The following NKAIN2 variants were observed in gnomAD, a reference collection of about 807,000 sequenced individuals.
The protein encoded by NKAIN2 is sodium/potassium transporting ATPase interacting 2, also known as sodium/potassium-transporting ATPase subunit beta-1-interacting protein 2.
Under a neutral mutation model 32.6 loss-of-function variants are expected in NKAIN2, and 14 were observed. The observed-to-expected ratio is 0.43, with a 90% CI of 0.28 to 0.67. NKAIN2 has a LOEUF of 0.67. NKAIN2 is among the 30% of genes least tolerant of loss of function. NKAIN2 has a pLI of 0.17. For synonymous variants in NKAIN2, 80 were observed against 87.2 expected (o/e 0.92, Z 0.46); for missense variants, 198 against 258.3 (o/e 0.77, Z 1.60).
chr6:124,799,169 G>T (rs140992703), intron 5 of NKAIN2, among the ~76,000 whole-genome samples: 1 of 152,114 alleles, frequency 6.6e-6, no homozygotes, highest in Non-Finnish European at 1.5e-5. Flanking sequence ...TGCTACATGC[G>T]AATTTTCCTC....
rs933329131 is a variant in NKAIN2, at chr6:124,764,338, A to G, written c.475-27001A>G. Among the ~76,000 whole-genome samples, 4 of 152,170 alleles carry G rather than the reference A, an allele frequency of 2.6e-5. No homozygotes were observed. The South Asian group carries it at 6.2e-4, about 24-fold the overall frequency. ...AAAATTATGGGGGTTATCAAACCTG[A>G]TGACAGATCTCATTATTTATTGGTA... On this transcript the variant is annotated intron_variant, in intron 4 of 6. Transcript: ENST00000368417.
intron 1 of NKAIN2, among the ~76,000 whole-genome samples, chr6:124,182,201 C>T (rs1162146596): frequency 6.6e-6 from 1 of 152,068 alleles, no homozygotes; most frequent in Non-Finnish European, 1.5e-5. Context: ...ATCATGAGAA[C>T]AGCATGAGAA....
intron 1 of NKAIN2, among the ~76,000 whole-genome samples, chr6:123,999,356 C>T (rs943421023): frequency 2.6e-5 from 4 of 152,084 alleles, no homozygotes; most frequent in Non-Finnish European, 5.9e-5. Context: ...GTCAGCTTGC[C>T]ATGTGGGCAG....
chr6:123,977,259 T>C (rs538891435), intron 1 of NKAIN2, among the ~76,000 whole-genome samples: 3 of 152,268 alleles, frequency 2.0e-5, no homozygotes, highest in Admixed American at 6.5e-5. Flanking sequence ...CTGTTAGTGA[T>C]TTAAAAATTT....
chr6:124,073,174 G>T (rs373727061), intron 1 of NKAIN2, among the ~76,000 whole-genome samples: 4 of 152,164 alleles, frequency 2.6e-5, no homozygotes, highest in African/African-American at 9.7e-5. Context: ...GGGCGGAGTT[G>T]TAACCTCAAA....
intron 3 of NKAIN2, among the ~76,000 whole-genome samples, chr6:124,407,198 TA>T (rs1170696619): frequency 2.0e-5 from 3 of 152,174 alleles, no homozygotes; most frequent in South Asian, 2.1e-4. Context: ...TGAGCTAGTT[TA>T]TTTTTATTAT....
chr6:124,611,541 C>T (rs538717220), intron 3 of NKAIN2, among the ~76,000 whole-genome samples: 13 of 152,182 alleles, frequency 8.5e-5, no homozygotes, highest in African/African-American at 2.9e-4. Flanking sequence ...CCCCACCTCC[C>T]GACAGGCCCT....
At chr6:124,319,524 G>A (rs1044779788) in intron 2 of NKAIN2, among the ~76,000 whole-genome samples, 4 of 152,212 alleles carry the variant, frequency 2.6e-5, no homozygotes, top group East Asian at 1.9e-4. Context: ...TATGCTTCCC[G>A]AAGTATGGCA....
At chr6:123,872,014 C>T (rs1772915106) in intron 1 of NKAIN2, among the ~76,000 whole-genome samples, 1 of 152,282 alleles carries the variant, frequency 6.6e-6, no homozygotes, top group Non-Finnish European at 1.5e-5. Flanking sequence ...CCAATTTTGA[C>T]ATCCTTTTAA....
chr6:124,488,605 A>C (rs943116518), intron 3 of NKAIN2, among the ~76,000 whole-genome samples: 1 of 152,006 alleles, frequency 6.6e-6, no homozygotes, highest in Non-Finnish European at 1.5e-5. Context: ...ACAATGGTGG[A>C]GGGAAGGTTT....
At chr6:124,019,684 T>C (rs1780775298) in intron 1 of NKAIN2, among the ~76,000 whole-genome samples, 1 of 152,192 alleles carries the variant, frequency 6.6e-6, no homozygotes, top group Non-Finnish European at 1.5e-5. Context: ...CCTTTCAATA[T>C]AAGTGTGTAT....
chr6:123,994,704 G>GT (rs1159463984), intron 1 of NKAIN2, among the ~76,000 whole-genome samples: 1 of 151,872 alleles, frequency 6.6e-6, no homozygotes, highest in Non-Finnish European at 1.5e-5. Flanking sequence ...AAACAGCAAG[G>GT]TTTTTTTAAT....
intron 5 of NKAIN2, among the ~76,000 whole-genome samples, chr6:124,796,640 G>T (rs1582538641): frequency 6.6e-6 from 1 of 152,132 alleles, no homozygotes; most frequent in Non-Finnish European, 1.5e-5. Flanking sequence ...TCCTGCTGTG[G>T]TGTGATCTGC....
rs1321255582 is a variant in NKAIN2 at position 124,037,408 on chromosome 6, A to G, written c.54+233154A>G. Among the ~76,000 whole-genome samples, 3 of 152,158 alleles carry G rather than the reference A, an allele frequency of 2.0e-5. No homozygotes were observed. In the East Asian group the frequency reaches 5.8e-4, roughly 29 times the overall value. ...TAATCTTTCTCTTCTTGAATGTCAT[A>G]AATTAGCACCAGTGAAACTTATTTT... On this transcript the variant is annotated intron_variant, in intron 1 of 6. Transcript: ENST00000368417.
chr6:124,719,718 C>T (rs1332070053), intron 4 of NKAIN2, among the ~76,000 whole-genome samples: 3 of 113,018 alleles, frequency 2.7e-5, no homozygotes, highest in African/African-American at 1.1e-4. Context: ...TAAACTGACC[C>T]TGCTAATCAA....
chr6:124,727,165 T>C (rs1298501411), intron 4 of NKAIN2, among the ~76,000 whole-genome samples: 1 of 151,254 alleles, frequency 6.6e-6, no homozygotes, highest in Non-Finnish European at 1.5e-5. Flanking sequence ...TTCCCCAATC[T>C]AGCAAGGCAG....
intron 1 of NKAIN2, among the ~76,000 whole-genome samples, chr6:124,193,491 A>T (rs1455368921): frequency 6.6e-6 from 1 of 152,134 alleles, no homozygotes; most frequent in South Asian, 2.1e-4. Flanking sequence ...AAACTTGGAG[A>T]CACCAGGAAC....
At chr6:124,352,873 C>T (rs1798793648) in intron 2 of NKAIN2, among the ~76,000 whole-genome samples, 1 of 152,172 alleles carries the variant, frequency 6.6e-6, no homozygotes, top group Admixed American at 6.6e-5. Context: ...ACTCATAGAG[C>T]TTCTCAAATT....
At chr6:124,287,825 G>T (rs1281227915) in intron 2 of NKAIN2, among the ~76,000 whole-genome samples, 1 of 152,124 alleles carries the variant, frequency 6.6e-6, no homozygotes, top group East Asian at 1.9e-4. Flanking sequence ...GCGCTAAGGA[G>T]CTGCTTTAGA....
Sources: gnomAD v4.1 joint callset for allele counts (sites outside exome capture counted in the v4.1 genomes callset) on GRCh38, gnomAD v4.1.1 for gene constraint, MANE v1.5 for transcripts, NCBI Gene and HGNC (gene_info 2026-07-23, HGNC 2026-07-21) for gene names.